Variants in RASAL1 observed in about 807,000 individuals in gnomAD.
RASAL1 encodes the protein RAS protein activator like 1.
In RASAL1, 72 loss-of-function variants were observed where a neutral mutation model predicts 96.6. The observed-to-expected ratio is 0.75, with a 90% CI of 0.62 to 0.91. The LOEUF is 0.91. RASAL1 is among the 40% of genes least tolerant of loss of function. The pLI is 0.00. For synonymous variants in RASAL1, 405 were observed against 430.4 expected, an observed-to-expected ratio of 0.94 and a Z score of 0.73; for missense variants, 1,016 against 1,072.5, an observed-to-expected ratio of 0.95 and a Z score of 0.74.
chr12:113,135,380 C>T lies in RASAL1; in HGVS notation c.65+18G>A. ...GCCTTGCGCGCCCCTCACCCAGAAGCGCCCGAGGAGTACTCACACGTCCTT... is the reference window on the plus strand; with the variant it reads ...GCCTTGCGCGCCCCTCACCCAGAAGTGCCCGAGGAGTACTCACACGTCCTT... On this transcript the variant is annotated intron_variant, in intron 1 of 20. Coordinates refer to ENST00000548055, the MANE Select transcript of RASAL1 (RefSeq NM_001301202.2). This position sits in a 1 kb window ranked among gnomAD's most constrained non-coding sequence, Gnocchi z 5.7. 1 of 1,602,192 alleles carries T rather than the reference C, an allele frequency of 6.2e-7. No individual in the cohort carries two copies. Among genetic ancestry groups the T allele is most frequent in the Non-Finnish European group, 8.5e-7 (1 of 1,175,092 alleles).
At chr12:113,135,772 C>A (rs1339291183), upstream of RASAL1, 2 of 142,918 alleles carry the variant, frequency 1.4e-5, no homozygotes, top group Admixed American at 1.5e-4. The surrounding 1 kb of genome is among the most constrained non-coding windows in gnomAD (Gnocchi z 5.7). Flanking sequence ...GGGCAGGGGG[C>A]GGGAGGGGCG....
At chr12:113,114,473 CA>C (rs35235298) in intron 12 of RASAL1, among the ~76,000 whole-genome samples, 107,257 of 138,742 alleles carry the variant, frequency 0.77, 40,232 homozygotes, top group Admixed American at 0.82. Context: ...AACCTTGTCT[CA>C]AAAAAAAAAA....
chr12:113,112,527 C>T (rs1226049662), intron 12 of RASAL1, among the ~76,000 whole-genome samples: 1 of 152,208 alleles, frequency 6.6e-6, no homozygotes, highest in Admixed American at 6.5e-5. Flanking sequence ...CTCCGCAACA[C>T]TCCCTTCCTC....
In RASAL1 at chr12:113,112,292, C is replaced by T. The variant is rs1950896607; in HGVS notation, c.1182-14G>A. On this transcript the variant is annotated splice_polypyrimidine_tract_variant and intron_variant, in intron 12 of 20. Coordinates refer to ENST00000548055, the MANE Select transcript of RASAL1 (RefSeq NM_001301202.2). ...AAGGAGATCCTCCTGGAGGGGCCGG[C>T]GGAGCAGCTCAGCCTCGGGGCACAA... The T allele has an allele frequency of 4.0e-6, 5 of 1,253,262 alleles. No homozygotes were observed. In the Admixed American group the frequency reaches 1.2e-4, roughly 31 times the overall value. The allele number at this position is 1,253,262 out of a possible 1,614,324, so 77.6% of individuals were successfully genotyped here. A position where few individuals can be genotyped will look rare whatever the true frequency, so the allele number is the denominator to read the frequency against.
intron 16 of RASAL1, among the ~76,000 whole-genome samples, chr12:113,104,888 G>T (rs1302995088): frequency 6.6e-6 from 1 of 152,222 alleles, no homozygotes; most frequent in African/African-American, 2.4e-5. Context: ...GCGATTCCAA[G>T]CACTTTACAT....
chr12:113,115,787 T>C lies in RASAL1; in HGVS notation c.851A>G (p.Glu284Gly). The C allele has an allele frequency of 6.2e-7, 1 of 1,613,778 alleles. No homozygotes were observed. Among genetic ancestry groups the C allele is most frequent in the South Asian group, 1.1e-5 (1 of 91,072 alleles). ...CAAAGCCAAGGGGCTAGCAGTGTCC[T>C]CCTGGGTGGGGGCGGGAGACAAAGA... ...LMESVQGPAEEDTASPLALLE... is the reference protein window; with the variant it reads ...LMESVQGPAEGDTASPLALLE... The change falls in exon 10 of 21, where the codon GAG (glutamate) becomes GGG (glycine). Residue 284 changes from glutamate to glycine, a missense_variant and splice_region_variant. By Grantham distance (98) the Glu-to-Gly change is moderately conservative. Coordinates refer to ENST00000548055, the MANE Select transcript of RASAL1 (RefSeq NM_001301202.2). This position sits in a 1 kb window ranked among gnomAD's most constrained non-coding sequence, Gnocchi z 4.1.
intron 14 of RASAL1, 83 bp from the exon 15 acceptor site, chr12:113,107,324 TA>T: frequency 7.0e-7 from 1 of 1,436,380 alleles, no homozygotes; most frequent in Non-Finnish European, 9.3e-7. Context: ...CAGTGCTCAA[TA>T]AAAGAAGACT....
rs1024654887 is a variant in RASAL1, at chr12:113,099,760, C to A, written c.*169G>T. The A allele has an allele frequency of 5.2e-6, 5 of 968,022 alleles. No individual in the cohort carries two copies. The African/African-American group carries it at 8.2e-5, about 16-fold the overall frequency. 60.0% of individuals were successfully genotyped at this position (968,022 alleles called of 1,614,324 possible). ...AAGGCTGGCCCCTGCCAAAGGGCTT[C>A]CATGCCCTGAGTTCTGGACTCAAGG... On this transcript the variant is annotated 3_prime_UTR_variant, in exon 21 of 21. Transcript: ENST00000548055.
Position 113,130,840 on chromosome 12 carries a change from A to C in RASAL1, c.122+45T>G. 6.5e-7 allele frequency: 1 copy of C among 1,536,800 alleles called. No individual in the cohort carries two copies. The highest frequency in any genetic ancestry group is 9.0e-7 in the Non-Finnish European group (1 of 1,116,760). On this transcript the variant is annotated intron_variant, in intron 2 of 20. Transcript: ENST00000548055. This position sits in a 1 kb window ranked among gnomAD's most constrained non-coding sequence, Gnocchi z 5.1. ...GGTCCCAGATTCCCCAGGTCTAGAA[A>C]GAGACCCCTCCCTTCCTCCTCTCCC... is the stretch of plus-strand genomic sequence containing the variant.
chr12:113,104,335 G>C, intron 16 of RASAL1, 37 bp from the exon 17 acceptor site: 1 of 1,532,778 alleles, frequency 6.5e-7, no homozygotes, highest in Non-Finnish European at 8.8e-7. Context: ...ATGGGCTGGG[G>C]GCTAGGGCCG....
Position 113,115,576 on chromosome 12 carries a change from A to G in RASAL1, c.1003+59T>C, listed in dbSNP as rs1951044814. 1 of 1,583,704 alleles carries G rather than the reference A, an allele frequency of 6.3e-7. No individual in the cohort carries two copies. The highest frequency in any genetic ancestry group is 8.6e-7 in the Non-Finnish European group (1 of 1,164,540). On this transcript the variant is annotated intron_variant, in intron 10 of 20. Transcript: ENST00000548055. The surrounding 1 kb of genome is among the most constrained non-coding windows in gnomAD (Gnocchi z 4.1). Reference sequence around the variant, plus strand: ...GAGGCCTCCCCATTCCTCCCCCAGGACCCTCCTGCAAGCCCACCATTGAGG... The same window carrying G: ...GAGGCCTCCCCATTCCTCCCCCAGGGCCCTCCTGCAAGCCCACCATTGAGG...
Position 113,135,691 on chromosome 12 carries a change from C to A in RASAL1, c.-229G>T. The A allele has an allele frequency of 2.5e-6, 1 of 398,582 alleles. No individual in the cohort carries two copies. The highest frequency in any genetic ancestry group is 4.6e-6 in the Non-Finnish European group (1 of 219,008). The allele number at this position is 398,582 out of a possible 1,614,324, so 24.7% of individuals were successfully genotyped here. On this transcript the variant is annotated 5_prime_UTR_variant, in exon 1 of 21. Transcript: ENST00000548055. The surrounding 1 kb of genome is among the most constrained non-coding windows in gnomAD (Gnocchi z 5.7). ...CTACAGGTAGGAGCCGTGCTCCGAG[C>A]AGGAGGAGCGCGCAGGGGGCGCAGC...
chr12:113,109,052 T>C (rs1950761246), intron 13 of RASAL1, among the ~76,000 whole-genome samples: 1 of 150,444 alleles, frequency 6.6e-6, no homozygotes, highest in South Asian at 2.1e-4. Context: ...TGTTTTTTTT[T>C]TTTTTTTTAG....
Position 113,121,637 on chromosome 12 carries a change from C to A in RASAL1, c.300G>T (p.Gly100=). ...SREAITADPR[G]IDSWINLSRV... ...GGCTCAAGTTAATCCAGCTGTCAAT[C>A]CCTGAAGGGCACAGGCACTAACATT... is the stretch of plus-strand genomic sequence containing the variant. The change falls in exon 5 of 21, where the codon GGG becomes GGT. Residue 100 remains glycine (G), a splice_region_variant and synonymous_variant. Transcript: ENST00000548055. 2 of 1,614,208 alleles carry A rather than the reference C, an allele frequency of 1.2e-6. No homozygotes were observed. The highest frequency in any genetic ancestry group is 8.5e-7 in the Non-Finnish European group (1 of 1,180,028).
Position 113,115,608 on chromosome 12 carries a change from A to C in RASAL1, c.1003+27T>G. On this transcript the variant is annotated intron_variant, in intron 10 of 20. Coordinates refer to ENST00000548055, the MANE Select transcript of RASAL1 (RefSeq NM_001301202.2). This position sits in a 1 kb window ranked among gnomAD's most constrained non-coding sequence, Gnocchi z 4.1. ...TGCAAGCCCACCATTGAGGGCGGTG[A>C]TGTCGGGGGTTGTGCGGGCAACTCA... 1 of 1,608,426 alleles carries C rather than the reference A, an allele frequency of 6.2e-7. No homozygotes were observed.
Position 113,135,387 on chromosome 12 carries a change from G to A in RASAL1, c.65+11C>T. ...GCGCCCCTCACCCAGAAGCGCCCGA[G>A]GAGTACTCACACGTCCTTGGCAGGC... On this transcript the variant is annotated intron_variant, in intron 1 of 20. Coordinates refer to ENST00000548055, the MANE Select transcript of RASAL1 (RefSeq NM_001301202.2). The surrounding 1 kb of genome is among the most constrained non-coding windows in gnomAD (Gnocchi z 5.7). The A allele has an allele frequency of 1.2e-6, 2 of 1,606,144 alleles. No homozygotes were observed. The highest frequency in any genetic ancestry group is 8.5e-7 in the Non-Finnish European group (1 of 1,176,938).
chr12:113,107,575 A>T lies in RASAL1; in HGVS notation c.1513-334T>A, dbSNP rs565196760. On this transcript the variant is annotated intron_variant, in intron 14 of 20. Transcript: ENST00000548055. ...GAGGCAGAGGTTGCAGTAAGCCAAGATCGTGCCACTGCACTCCAGCCTGGG... is the reference window on the plus strand; with the variant it reads ...GAGGCAGAGGTTGCAGTAAGCCAAGTTCGTGCCACTGCACTCCAGCCTGGG... The T allele has an allele frequency of 8.3e-4, 419 of 504,906 alleles. 1 individual carries two copies. Among genetic ancestry groups the T allele is most frequent in the Non-Finnish European group, 1.1e-3 (292 of 259,504 alleles). 31.3% of individuals were successfully genotyped at this position (504,906 alleles called of 1,614,324 possible). A position where few individuals can be genotyped will look rare whatever the true frequency, so the allele number is the denominator to read the frequency against.
chr12:113,106,352 T>G (rs1950646381), intron 15 of RASAL1, among the ~76,000 whole-genome samples: 6 of 152,224 alleles, frequency 3.9e-5, no homozygotes, highest in Admixed American at 3.9e-4. Context: ...CATTATGGTA[T>G]GGACTCAACC....
intron 4 of RASAL1, among the ~76,000 whole-genome samples, chr12:113,124,404 T>C (rs1256537819): frequency 6.6e-6 from 1 of 152,178 alleles, no homozygotes; most frequent in Non-Finnish European, 1.5e-5. Flanking sequence ...TTCCGCCACA[T>C]GCTTGCAGAC....
Sources: gnomAD v4.1 joint callset for allele counts (sites outside exome capture counted in the v4.1 genomes callset) on GRCh38, gnomAD v4.1.1 for gene constraint, Gnocchi (gnomAD v3.1) non-coding constraint, MANE v1.5 for transcripts, NCBI Gene and HGNC (gene_info 2026-07-23, HGNC 2026-07-21) for gene names.